ALPK3: variants seen among roughly 807,000 people sequenced by gnomAD.
The protein encoded by ALPK3 is alpha-protein kinase 3.
Under a neutral mutation model 140.0 loss-of-function variants are expected in ALPK3, and 102 were observed. The ratio of observed to expected loss-of-function variants is 0.73; its 90% CI spans 0.62 to 0.86. The LOEUF (loss-of-function observed/expected upper bound fraction) is 0.86, where lower values mean the gene tolerates loss of function less well. ALPK3 is among the 40% of genes least tolerant of loss of function. The probability of loss-of-function intolerance (pLI) is 0.00; values close to 1 mark genes in which losing one functional copy is unlikely to be tolerated. For synonymous variants in ALPK3, 938 were observed against 898.5 expected, an observed-to-expected ratio of 1.04 and a Z score of -0.79; for missense variants, 2,254 against 2,208.2, an observed-to-expected ratio of 1.02 and a Z score of -0.42.
At chr15:84,828,279 T>C (rs895524224) in intron 3 of ALPK3, among the ~76,000 whole-genome samples, 5 of 152,162 alleles carry the variant, frequency 3.3e-5, no homozygotes, top group African/African-American at 1.2e-4. Flanking sequence ...AGCTTCGTGA[T>C]GGAATTTGAA....
intron 2 of ALPK3, among the ~76,000 whole-genome samples, chr15:84,826,041 G>C (rs180673667): frequency 1.2e-3 from 176 of 152,240 alleles, no homozygotes; most frequent in Non-Finnish European, 8.4e-4. Flanking sequence ...TGATCTTTGT[G>C]GGGGAGGGCC....
chr15:84,848,677 A>G (rs778922663), intron 5 of ALPK3, among the ~76,000 whole-genome samples: 2 of 152,216 alleles, frequency 1.3e-5, no homozygotes, highest in Non-Finnish European at 2.9e-5. Context: ...ATTGTGAGAC[A>G]GGACCAGAAA....
At position 84,873,330 on chromosome 15, in the gene ALPK3, A is replaced by C. The variant is rs934995904; in HGVS notation, c.*4874A>C. On this transcript the variant is annotated 3_prime_UTR_variant, in exon 14 of 14. Coordinates refer to ENST00000258888, the MANE Select transcript of ALPK3 (RefSeq NM_020778.5). ...TTTCTTGGATGTTTGGTCTTTTGAT[A>C]TAATTTAGCATGGGCCAACATTTGG... The C allele has an allele frequency of 6.6e-6, 1 of 152,212 alleles. No individual in the cohort carries two copies. The highest frequency in any genetic ancestry group is 2.4e-5 in the African/African-American group (1 of 41,456). 9.4% of individuals were successfully genotyped at this position (152,212 alleles called of 1,614,324 possible). A position where few individuals can be genotyped will look rare whatever the true frequency, so the allele number is the denominator to read the frequency against.
chr15:84,817,380 C>T lies in ALPK3; in HGVS notation c.-73C>T. ...CGGGAGCGGCGGCGGCGGGCAGGGG[C>T]CCGGGGGCCGGGGCCTGGAGGACAG... On this transcript the variant is annotated 5_prime_UTR_variant, in exon 1 of 14. Transcript: ENST00000258888. The T allele has an allele frequency of 8.2e-7, 1 of 1,221,330 alleles. No individual in the cohort carries two copies. The highest frequency in any genetic ancestry group is 1.0e-6 in the Non-Finnish European group (1 of 982,782). The allele number at this position is 1,221,330 out of a possible 1,614,324, so 75.7% of individuals were successfully genotyped here.
intron 1 of ALPK3, among the ~76,000 whole-genome samples, chr15:84,817,818 T>A (rs908900136): frequency 4.6e-5 from 7 of 152,118 alleles, no homozygotes; most frequent in African/African-American, 1.7e-4. Context: ...AATTCGAGGC[T>A]CAAGAGAGGA....
Position 84,840,867 on chromosome 15 carries a change from C to T in ALPK3, c.1588C>T (p.Arg530Trp), listed in dbSNP as rs748152747. The T allele has an allele frequency of 3.1e-5, 50 of 1,613,744 alleles. No homozygotes were observed. The highest frequency in any genetic ancestry group is 1.3e-5 in the African/African-American group (1 of 74,916). The change falls in exon 5 of 14, where the codon CGG becomes TGG. Residue 530 changes from arginine to tryptophan, a missense_variant. This residue lies in a region of ALPK3 where 2,088 missense variants were observed against 2,022.9 expected (regional missense o/e 1.03). Coordinates refer to ENST00000258888, the MANE Select transcript of ALPK3 (RefSeq NM_020778.5). ...ASVQVPTPPA[R>W]RRHGTRDSTL... is the part of the protein sequence containing the mutation. ...TGTGCAGGTGCCGACGCCCCCTGCC[C>T]GGCGGAGACATGGCACCCGGGACAG...
intron 3 of ALPK3, among the ~76,000 whole-genome samples, chr15:84,830,614 T>A (rs955033932): frequency 6.6e-6 from 1 of 152,260 alleles, no homozygotes; most frequent in Non-Finnish European, 1.5e-5. Flanking sequence ...TTTACATTCT[T>A]ATTTTGGCAG....
intron 3 of ALPK3, among the ~76,000 whole-genome samples, chr15:84,834,607 C>T (rs1234398394): frequency 6.6e-6 from 1 of 152,200 alleles, no homozygotes; most frequent in Non-Finnish European, 1.5e-5. Flanking sequence ...TTTAAATTTC[C>T]ATTCATTATT....
Position 84,817,470 on chromosome 15 carries a change from C to G in ALPK3, c.18C>G (p.Ala6=). The G allele has an allele frequency of 7.2e-7, 1 of 1,381,218 alleles. No homozygotes were observed. Among genetic ancestry groups the G allele is most frequent in the South Asian group, 1.6e-5 (1 of 61,994 alleles). 85.6% of individuals were successfully genotyped at this position (1,381,218 alleles called of 1,614,324 possible). A position where few individuals can be genotyped will look rare whatever the true frequency, so the allele number is the denominator to read the frequency against. ...GCGGTGCCATGGGGTCGCGGAGGGC[C>G]CCCAGCCGGGGCTGGGGCGCGGGTG... MGSRR[A]PSRGWGAGGR... The change falls in exon 1 of 14, where the codon GCC becomes GCG. Residue 6 remains alanine (A), a synonymous_variant. Transcript: ENST00000258888.
chr15:84,870,944 G>T lies in ALPK3; in HGVS notation c.*2488G>T, dbSNP rs540860200. Reference sequence around the variant, plus strand: ...CAAAACCACATTTCTCTCTGCTTAGGGAATTCAAGATCATATCTAACTTCG... The same window carrying T: ...CAAAACCACATTTCTCTCTGCTTAGTGAATTCAAGATCATATCTAACTTCG... On this transcript the variant is annotated 3_prime_UTR_variant, in exon 14 of 14. Coordinates refer to ENST00000258888, the MANE Select transcript of ALPK3 (RefSeq NM_020778.5). The T allele has an allele frequency of 3.9e-5, 6 of 152,346 alleles. No individual in the cohort carries two copies. The East Asian group carries it at 1.2e-3, about 29-fold the overall frequency. The allele number at this position is 152,346 out of a possible 1,614,324, so 9.4% of individuals were successfully genotyped here.
rs1261817894 is a variant in ALPK3, at chr15:84,840,193, A to T, written c.914A>T (p.Gln305Leu). 20 of 1,613,790 alleles carry T rather than the reference A, an allele frequency of 1.2e-5. No individual in the cohort carries two copies. The highest frequency in any genetic ancestry group is 1.6e-5 in the Non-Finnish European group (19 of 1,179,990). The change falls in exon 5 of 14, where the codon CAG becomes CTG. Residue 305 changes from glutamine (Q) to leucine (L), a missense_variant. By Grantham distance (113) the Gln-to-Leu change is moderately radical. This residue lies in a region of ALPK3 where 2,088 missense variants were observed against 2,022.9 expected (regional missense o/e 1.03). Coordinates refer to ENST00000258888, the MANE Select transcript of ALPK3 (RefSeq NM_020778.5). Reference protein sequence around the residue: ...YICDAMELGPQRALKEESGAK... With the variant: ...YICDAMELGPLRALKEESGAK... ...TGTGACGCCATGGAGCTGGGGCCTC[A>T]GAGAGCCCTCAAAGAGGAGAGTGGG...
intron 10 of ALPK3, among the ~76,000 whole-genome samples, chr15:84,863,177 C>G (rs576715852): frequency 2.0e-5 from 3 of 152,040 alleles, no homozygotes; most frequent in Non-Finnish European, 4.4e-5. Flanking sequence ...TCCCCCTGCC[C>G]CATACATAAT....
chr15:84,817,438 G>A lies in ALPK3; in HGVS notation c.-15G>A, dbSNP rs1421277949. ...AGCGGCGAGTGCGGGGCCGGCGGTC[G>A]GGGAGGGCGGTGCCATGGGGTCGCG... On this transcript the variant is annotated 5_prime_UTR_variant, in exon 1 of 14. Transcript: ENST00000258888. 1.6e-6 allele frequency: 2 copies of A among 1,269,730 alleles called. No homozygotes were observed. Among genetic ancestry groups the A allele is most frequent in the East Asian group, 3.3e-5 (1 of 30,724 alleles). 78.7% of individuals were successfully genotyped at this position (1,269,730 alleles called of 1,614,324 possible). A position where few individuals can be genotyped will look rare whatever the true frequency, so the allele number is the denominator to read the frequency against.
At chr15:84,822,765 CCCAGCT>C (rs1963441675) in intron 1 of ALPK3, among the ~76,000 whole-genome samples, 1 of 152,196 alleles carries the variant, frequency 6.6e-6, no homozygotes, top group Admixed American at 6.5e-5. Context: ...CTGGGTGCCT[CCCAGCT>C]CCTGCTGAAT....
At chr15:84,828,668 CA>C (rs1311168100) in intron 3 of ALPK3, among the ~76,000 whole-genome samples, 2 of 152,242 alleles carry the variant, frequency 1.3e-5, no homozygotes, top group Non-Finnish European at 2.9e-5. Flanking sequence ...CTCCGAGCGA[CA>C]TAGGTGTGCA....
chr15:84,867,974 A>C, intron 13 of ALPK3, 137 bp from the exon 14 acceptor site: 1 of 866,316 alleles, frequency 1.2e-6, no homozygotes, highest in South Asian at 1.7e-5. Context: ...GCACCAAGGG[A>C]GAGTCCCCAT....
chr15:84,824,329 C>G lies in ALPK3; in HGVS notation c.182+961C>G, dbSNP rs541808968. ...TGGGTGAATGACTGTCTTCTTGCCTCCTGAACTGAGGACAGCTCTTTACCC... is the reference window on the plus strand; with the variant it reads ...TGGGTGAATGACTGTCTTCTTGCCTGCTGAACTGAGGACAGCTCTTTACCC... On this transcript the variant is annotated intron_variant, in intron 2 of 13. Coordinates refer to ENST00000258888, the MANE Select transcript of ALPK3 (RefSeq NM_020778.5). Among the ~76,000 whole-genome samples the G allele has an allele frequency of 1.6e-4, 24 of 152,322 alleles. No individual in the cohort carries two copies. In the South Asian group the frequency reaches 4.8e-3, roughly 30 times the overall value.
intron 5 of ALPK3, among the ~76,000 whole-genome samples, chr15:84,848,301 A>T (rs966895565): frequency 6.6e-6 from 1 of 150,466 alleles, no homozygotes; most frequent in Non-Finnish European, 1.5e-5. Context: ...AATATAATAT[A>T]TAAGACAAAT....
rs1161103592 is a variant in ALPK3, at chr15:84,871,228, A to G, written c.*2772A>G. On this transcript the variant is annotated 3_prime_UTR_variant, in exon 14 of 14. Coordinates refer to ENST00000258888, the MANE Select transcript of ALPK3 (RefSeq NM_020778.5). ...ACTTTTGATCTGGTGGAGGGACCCA[A>G]ACCTTCAGTTCTGAAGCTCATTAGT... 1 of 152,460 alleles carries G rather than the reference A, an allele frequency of 6.6e-6. No individual in the cohort carries two copies. Among genetic ancestry groups the G allele is most frequent in the Non-Finnish European group, 1.5e-5 (1 of 68,054 alleles). 9.4% of individuals were successfully genotyped at this position (152,460 alleles called of 1,614,324 possible).
Sources: allele counts gnomAD v4.1 joint callset (sites outside exome capture counted in the v4.1 genomes callset), GRCh38; gene constraint gnomAD v4.1.1; regional missense constraint gnomAD v4.1.1; transcripts MANE v1.5; gene names NCBI Gene and HGNC (gene_info 2026-07-23, HGNC 2026-07-21).